The following ADCY1 variants were observed in gnomAD, a reference collection of about 807,000 sequenced individuals.
ADCY1 encodes the protein adenylate cyclase type 1.
ADCY1 carries 28 observed loss-of-function variants against 105.4 expected under a neutral mutation model. The observed-to-expected ratio is 0.27, with a 90% CI of 0.20 to 0.36. ADCY1 has a LOEUF of 0.36. Ranked by LOEUF, ADCY1 falls within the 10% of genes least tolerant of loss-of-function variation. The probability of loss-of-function intolerance (pLI) is 1.00; values close to 1 mark genes in which losing one functional copy is unlikely to be tolerated. For missense variants in ADCY1, 977 were observed against 1,434.2 expected (o/e 0.68, Z 5.15); for synonymous variants, 655 against 623.8 (o/e 1.05, Z -0.75).
In ADCY1 at chr7:45,585,776, CTTGGCTTCAG is replaced by C. The variant is rs533778657; in HGVS notation, c.640-6980_640-6971del. Among the ~76,000 whole-genome samples, 6 of 152,194 alleles carry C rather than the reference CTTGGCTTCAG, an allele frequency of 3.9e-5. No homozygotes were observed. In the South Asian group the frequency reaches 1.2e-3, roughly 32 times the overall value. On this transcript the variant is annotated intron_variant, in intron 1 of 19. Coordinates refer to ENST00000297323, the MANE Select transcript of ADCY1 (RefSeq NM_021116.4). Reference sequence around the variant, plus strand: ...TGGGCACATCTTTTATGCCAAGCACCTTGGCTTCAGTTTGTTCAAGGGTCAGAAATGGGCA... The same window carrying C: ...TGGGCACATCTTTTATGCCAAGCACCTTTGTTCAAGGGTCAGAAATGGGCA...
intron 14 of ADCY1, among the ~76,000 whole-genome samples, chr7:45,687,743 A>G (rs935306968): frequency 2.0e-5 from 3 of 152,220 alleles, no homozygotes; most frequent in Admixed American, 1.3e-4. Context: ...AGGGGCCACT[A>G]AAGTAACATG....
chr7:45,670,476 G>A (rs943444029), intron 8 of ADCY1, among the ~76,000 whole-genome samples: 1 of 152,194 alleles, frequency 6.6e-6, no homozygotes, highest in Non-Finnish European at 1.5e-5. Context: ...ACTTGAGGGA[G>A]GATCCATGTC....
In ADCY1 at chr7:45,655,800, TGCCATTTA is replaced by T. The variant is rs1794924560; in HGVS notation, c.1149-1926_1149-1919del. The stretch of plus-strand genomic sequence containing the variant: ...TGGGCATGGGTCCCAGAAGTCTCCG[TGCCATTTA>T]CTGTTTCATGGCTTCGGAGGCACAA... On this transcript the variant is annotated intron_variant, in intron 5 of 19. Transcript: ENST00000297323. Among the ~76,000 whole-genome samples the T allele has an allele frequency of 2.6e-5, 4 of 152,300 alleles. No individual in the cohort carries two copies. The South Asian group carries it at 8.3e-4, about 32-fold the overall frequency.
chr7:45,607,425 G>T (rs1793406089), intron 2 of ADCY1, among the ~76,000 whole-genome samples: 1 of 152,174 alleles, frequency 6.6e-6, no homozygotes, highest in Non-Finnish European at 1.5e-5. Context: ...AGGGAAGAGG[G>T]ACAAGCTGTT....
chr7:45,702,615 G>A (rs575362631), intron 14 of ADCY1, among the ~76,000 whole-genome samples: 1 of 152,362 alleles, frequency 6.6e-6, no homozygotes, highest in African/African-American at 2.4e-5. Context: ...GGGCTGTGCT[G>A]GGTCCTGCCA....
rs1337375291 is a variant in ADCY1 at position 45,686,582 on chromosome 7, T to C, written c.2363T>C (p.Ile788Thr). Residue 788 changes from isoleucine (I) to threonine (T), a missense_variant, in exon 14 of 20, where the codon ATT (isoleucine) becomes ACT (threonine). By Grantham distance (89) the Ile-to-Thr change is moderately conservative (BLOSUM62 -1). This residue lies in a region of ADCY1 where 275 missense variants were observed against 362.1 expected (regional missense o/e 0.76). Transcript: ENST00000297323. This position sits in a 1 kb window ranked among gnomAD's most constrained non-coding sequence, Gnocchi z 4.3. ...GAVSGRSYEP[I>T]VAILLFSCAL... ...GTCTCCGGGCGCAGCTACGAGCCGA[T>C]TGTGGCCATCCTGCTCTTCTCCTGT... 4 of 1,613,564 alleles carry C rather than the reference T, an allele frequency of 2.5e-6. No individual in the cohort carries two copies. Among genetic ancestry groups the C allele is most frequent in the African/African-American group, 1.3e-5 (1 of 75,058 alleles).
intron 14 of ADCY1, among the ~76,000 whole-genome samples, chr7:45,695,620 G>T (rs1784865929): frequency 6.6e-6 from 1 of 152,194 alleles, no homozygotes. Context: ...TGTGGCTGGA[G>T]GGTTTCTCTG....
rs572373147 is a variant in ADCY1, at chr7:45,650,022, C to G, written c.1148+1225C>G. On this transcript the variant is annotated intron_variant, in intron 5 of 19. Coordinates refer to ENST00000297323, the MANE Select transcript of ADCY1 (RefSeq NM_021116.4). ...AGAAGCAGGAAGGAAGGAAAGATGC[C>G]TGGCGTGGAGAAGACTTAGAAGTGA... Among the ~76,000 whole-genome samples, 3 of 152,290 alleles carry G rather than the reference C, an allele frequency of 2.0e-5. No individual in the cohort carries two copies. In the East Asian group the frequency reaches 5.8e-4, roughly 29 times the overall value.
chr7:45,700,685 C>A (rs554446465), intron 14 of ADCY1, among the ~76,000 whole-genome samples: 1 of 152,282 alleles, frequency 6.6e-6, no homozygotes, highest in East Asian at 1.9e-4. Context: ...CTGACACTGG[C>A]CAGATGCCCT....
intron 19 of ADCY1, among the ~76,000 whole-genome samples, chr7:45,712,267 T>G (rs1431421273): frequency 6.9e-6 from 1 of 144,608 alleles, no homozygotes; most frequent in African/African-American, 2.5e-5. Flanking sequence ...TTTTTTACAG[T>G]GTACTTTTTT....
At chr7:45,616,539 A>G (rs1793741852) in intron 3 of ADCY1, among the ~76,000 whole-genome samples, 5 of 152,214 alleles carry the variant, frequency 3.3e-5, no homozygotes, top group Admixed American at 3.3e-4. Flanking sequence ...TGTGATAACA[A>G]CATGTTAAGA....
intron 4 of ADCY1, among the ~76,000 whole-genome samples, chr7:45,636,854 T>C (rs1343009042): frequency 6.6e-6 from 1 of 152,236 alleles, no homozygotes. Flanking sequence ...TTGTGTCTCT[T>C]TATTTGAAGT....
At chr7:45,705,867 A>T (rs1336694892) in intron 17 of ADCY1, among the ~76,000 whole-genome samples, 4 of 152,220 alleles carry the variant, frequency 2.6e-5, no homozygotes, top group Non-Finnish European at 5.9e-5. Context: ...GTTCCAGGAT[A>T]TAAATTGAAT....
At chr7:45,582,704 G>T (rs1480683878) in intron 1 of ADCY1, among the ~76,000 whole-genome samples, 3 of 152,162 alleles carry the variant, frequency 2.0e-5, no homozygotes, top group Non-Finnish European at 4.4e-5. Context: ...GCTGATCTGG[G>T]CTCTTCTCTC....
chr7:45,578,383 A>G (rs886882139), intron 1 of ADCY1, among the ~76,000 whole-genome samples: 1 of 152,086 alleles, frequency 6.6e-6, no homozygotes, highest in African/African-American at 2.4e-5. Context: ...TGGGTCACTA[A>G]TTGTACCTAT....
At chr7:45,613,585 T>C (rs1793650419) in intron 3 of ADCY1, among the ~76,000 whole-genome samples, 1 of 152,120 alleles carries the variant, frequency 6.6e-6, no homozygotes, top group Non-Finnish European at 1.5e-5. Flanking sequence ...GATGTAAAAA[T>C]ATATCATTAA....
At position 45,686,774 on chromosome 7, in the gene ADCY1, G is replaced by T. The variant is rs936327516; in HGVS notation, c.2454+101G>T. ...GGGCTGCCACAGACACCCACACGCC[G>T]TATGGCCCTCGGAGGGCCCTCCTCA... On this transcript the variant is annotated intron_variant, in intron 14 of 19. Transcript: ENST00000297323. The surrounding 1 kb of genome is among the most constrained non-coding windows in gnomAD (Gnocchi z 4.3). 34 of 1,470,980 alleles carry T rather than the reference G, an allele frequency of 2.3e-5. No homozygotes were observed. Among genetic ancestry groups the T allele is most frequent in the Middle Eastern group, 3.6e-4 (2 of 5,510 alleles). The allele number at this position is 1,470,980 out of a possible 1,614,324, so 91.1% of individuals were successfully genotyped here.
intron 4 of ADCY1, among the ~76,000 whole-genome samples, chr7:45,625,942 C>T (rs1479629192): frequency 6.6e-6 from 1 of 152,198 alleles, no homozygotes; most frequent in Non-Finnish European, 1.5e-5. Flanking sequence ...TTGCTTCTCC[C>T]AGTGACCATG....
rs1195192827 is a variant in ADCY1, at chr7:45,660,793, G to GCAGGGCTCAGGTGAGGGATT, written c.1449+627_1449+646dup. ...GAGGGTGCAGGGCTCAGGTGAGGGT[G>GCAGGGCTCAGGTGAGGGATT]CAGGGCTCAGGTGAGGGATTCAGGG... On this transcript the variant is annotated intron_variant, in intron 7 of 19. Coordinates refer to ENST00000297323, the MANE Select transcript of ADCY1 (RefSeq NM_021116.4). Among the ~76,000 whole-genome samples, 63 of 146,060 alleles carry GCAGGGCTCAGGTGAGGGATT rather than the reference G, an allele frequency of 4.3e-4. 3 individuals are homozygous for GCAGGGCTCAGGTGAGGGATT. The South Asian group carries it at 0.014, about 33-fold the overall frequency.
Sources: gnomAD v4.1 joint callset for allele counts (sites outside exome capture counted in the v4.1 genomes callset) on GRCh38, gnomAD v4.1.1 for gene constraint, gnomAD v4.1.1 regional missense constraint, Gnocchi (gnomAD v3.1) non-coding constraint, MANE v1.5 for transcripts, NCBI Gene and HGNC (gene_info 2026-07-23, HGNC 2026-07-21) for gene names.